PDZD8: variants seen among roughly 807,000 people sequenced by gnomAD.
PDZD8 encodes the protein PDZ domain-containing protein 8.
In PDZD8, 14 loss-of-function variants were observed where a neutral mutation model predicts 85.8. That is an observed-to-expected ratio of 0.16 (90% CI 0.11 to 0.26). The LOEUF is 0.26. PDZD8 is among the 10% of genes least tolerant of loss of function. The probability of loss-of-function intolerance (pLI) is 1.00; values close to 1 mark genes in which losing one functional copy is unlikely to be tolerated. For synonymous variants in PDZD8, 592 were observed against 568.6 expected (o/e 1.04, Z -0.59); for missense variants, 1,197 against 1,424.3 (o/e 0.84, Z 2.57).
At chr10:117,326,821 G>A (rs957392777) in intron 2 of PDZD8, among the ~76,000 whole-genome samples, 1 of 152,168 alleles carries the variant, frequency 6.6e-6, no homozygotes, top group Non-Finnish European at 1.5e-5. Flanking sequence ...TGCAGTTGCA[G>A]ACACTTCTTG....
chr10:117,368,656 T>C (rs1342765543), intron 1 of PDZD8, among the ~76,000 whole-genome samples: 1 of 152,170 alleles, frequency 6.6e-6, no homozygotes, highest in Non-Finnish European at 1.5e-5. Context: ...CCCCCCTTTT[T>C]GGAGATCAGT....
intron 3 of PDZD8, among the ~76,000 whole-genome samples, chr10:117,312,808 TTAA>T (rs1844061268): frequency 6.6e-6 from 1 of 152,208 alleles, no homozygotes; most frequent in African/African-American, 2.4e-5. Context: ...CATTTCCGTG[TTAA>T]TTTTAATTAT....
At chr10:117,373,223 T>G (rs1192227024) in intron 1 of PDZD8, among the ~76,000 whole-genome samples, 1 of 152,116 alleles carries the variant, frequency 6.6e-6, no homozygotes, top group Non-Finnish European at 1.5e-5. Context: ...ACCACAAAAT[T>G]TAAGCCATCA....
At chr10:117,298,644 C>T (rs1209028190) in intron 3 of PDZD8, among the ~76,000 whole-genome samples, 1 of 152,092 alleles carries the variant, frequency 6.6e-6, no homozygotes, top group Non-Finnish European at 1.5e-5. Flanking sequence ...TTCCCTCTTT[C>T]TCTCCTCCTT....
chr10:117,329,002 T>C (rs1167781924), intron 2 of PDZD8, among the ~76,000 whole-genome samples: 1 of 152,216 alleles, frequency 6.6e-6, no homozygotes, highest in Non-Finnish European at 1.5e-5. Context: ...AGACGACATT[T>C]GCTTTAGCTT....
intron 3 of PDZD8, among the ~76,000 whole-genome samples, chr10:117,304,317 C>T (rs1843895639): frequency 6.6e-6 from 1 of 152,076 alleles, no homozygotes; most frequent in Non-Finnish European, 1.5e-5. Context: ...GCCAATTTCT[C>T]TTATTTGGAA....
Position 117,282,060 on chromosome 10 carries a change from C to A in PDZD8, c.*1208G>T, listed in dbSNP as rs942621027. The A allele has an allele frequency of 1.3e-5, 2 of 152,148 alleles. No individual in the cohort carries two copies. Among genetic ancestry groups the A allele is most frequent in the African/African-American group, 4.8e-5 (2 of 41,420 alleles). The allele number at this position is 152,148 out of a possible 1,614,324, so 9.4% of individuals were successfully genotyped here. A position where few individuals can be genotyped will look rare whatever the true frequency, so the allele number is the denominator to read the frequency against. On this transcript the variant is annotated 3_prime_UTR_variant, in exon 5 of 5. Transcript: ENST00000334464. ...TGAGTATATCTTCATTTTCAGAGAA[C>A]TGGTCCCAATTCCTATGTATGAATA... is the stretch of plus-strand genomic sequence containing the variant.
intron 1 of PDZD8, among the ~76,000 whole-genome samples, chr10:117,344,180 GAT>G (rs1844664746): frequency 6.6e-6 from 1 of 152,184 alleles, no homozygotes; most frequent in Admixed American, 6.6e-5. Context: ...GAGCCCTGCT[GAT>G]CTGCTCCCCA....
chr10:117,352,842 TC>T (rs1387739148), intron 1 of PDZD8, among the ~76,000 whole-genome samples: 1 of 152,090 alleles, frequency 6.6e-6, no homozygotes, highest in East Asian at 1.9e-4. Flanking sequence ...ATCACTTCAT[TC>T]AAAGCTCGTA....
At chr10:117,348,682 C>G (rs1259373293) in intron 1 of PDZD8, among the ~76,000 whole-genome samples, 3 of 152,192 alleles carry the variant, frequency 2.0e-5, no homozygotes, top group African/African-American at 7.2e-5. Context: ...GATTACTGCT[C>G]ATCTTTATGA....
chr10:117,324,059 C>T (rs1844273100), intron 2 of PDZD8, among the ~76,000 whole-genome samples: 1 of 151,880 alleles, frequency 6.6e-6, no homozygotes, highest in African/African-American at 2.4e-5. Context: ...GAAACCCTGT[C>T]TCTACTAAAA....
chr10:117,326,386 G>A lies in PDZD8; in HGVS notation c.996-7412C>T, dbSNP rs998175627. ...CAGAGACATTAAAACAGTGAACCAG[G>A]ACAAGAAGTTGATAGCTTTGTGCTG... On this transcript the variant is annotated intron_variant, in intron 2 of 4. Coordinates refer to ENST00000334464, the MANE Select transcript of PDZD8 (RefSeq NM_173791.5). 9.2e-5 allele frequency among the ~76,000 whole-genome samples: 14 copies of A among 152,306 alleles called. 1 individual carries two copies. The highest frequency in any genetic ancestry group is 1.8e-4 in the Non-Finnish European group (12 of 68,012).
In PDZD8 at chr10:117,355,482, T is replaced by C. The variant is rs551943837; in HGVS notation, c.873-14380A>G. ...CTTGAGAAAAGAAAGCTTACATTTA[T>C]AGACAATATAAAATAGAGGTTAAGA... On this transcript the variant is annotated intron_variant, in intron 1 of 4. Coordinates refer to ENST00000334464, the MANE Select transcript of PDZD8 (RefSeq NM_173791.5). Among the ~76,000 whole-genome samples the C allele has an allele frequency of 4.6e-5, 7 of 152,324 alleles. No homozygotes were observed. In the East Asian group the frequency reaches 5.8e-4, roughly 13 times the overall value.
In PDZD8 at chr10:117,374,616, C is replaced by T; in HGVS notation, c.612G>A (p.Leu204=). ...AEVEYNGGFH[L]AIDVDLVFGK... is the part of the protein sequence containing the mutation. ...CGAAGACCAGGTCCACGTCGATGGCCAGGTGGAAGCCCCCGTTGTACTCCA... is the reference window on the plus strand; with the variant it reads ...CGAAGACCAGGTCCACGTCGATGGCTAGGTGGAAGCCCCCGTTGTACTCCA... Residue 204 remains leucine, a synonymous_variant, in exon 1 of 5, where the codon CTG becomes CTA. Transcript: ENST00000334464. The surrounding 1 kb of genome is among the most constrained non-coding windows in gnomAD (Gnocchi z 7.8). 2.5e-6 allele frequency: 4 copies of T among 1,585,996 alleles called. No homozygotes were observed. The highest frequency in any genetic ancestry group is 3.4e-6 in the Non-Finnish European group (4 of 1,165,714).
intron 2 of PDZD8, among the ~76,000 whole-genome samples, chr10:117,319,433 A>ACACACACACT (rs1403355327): frequency 8.2e-3 from 188 of 23,000 alleles, no homozygotes; most frequent in African/African-American, 0.011. Context: ...ACACACACAC[A>ACACACACACT]CTCTTCATCT....
Position 117,284,368 on chromosome 10 carries a change from T to C in PDZD8, c.2365A>G (p.Ile789Val). 6.2e-7 allele frequency: 1 copy of C among 1,614,212 alleles called. No individual in the cohort carries two copies. The highest frequency in any genetic ancestry group is 8.5e-7 in the Non-Finnish European group (1 of 1,180,036). Residue 789 changes from isoleucine to valine, a missense_variant, in exon 5 of 5, where the codon ATT (isoleucine) becomes GTT (valine). Coordinates refer to ENST00000334464, the MANE Select transcript of PDZD8 (RefSeq NM_173791.5). ...GFNDKFCYGD[I>V]TIHFKYLKEG... ...TTCAAATATTTGAAGTGAATAGTAA[T>C]GTCACCATAGCAAAATTTGTCATTG...
intron 3 of PDZD8, among the ~76,000 whole-genome samples, chr10:117,300,555 T>C (rs1187716696): frequency 1.3e-5 from 2 of 152,170 alleles, no homozygotes. Flanking sequence ...AAAAAGCTCC[T>C]TTGGTTGAAG....
At chr10:117,305,980 A>C (rs1434146583) in intron 3 of PDZD8, among the ~76,000 whole-genome samples, 1 of 152,148 alleles carries the variant, frequency 6.6e-6, no homozygotes, top group East Asian at 1.9e-4. Context: ...TATCTACCAC[A>C]CTGGGTTGTT....
chr10:117,364,184 G>A (rs1377345650), intron 1 of PDZD8, among the ~76,000 whole-genome samples: 2 of 45,490 alleles, frequency 4.4e-5, no homozygotes, highest in African/African-American at 1.9e-4. Context: ...ATTTATGGGT[G>A]TGTGTGTGTG....
Sources: allele counts gnomAD v4.1 joint callset (sites outside exome capture counted in the v4.1 genomes callset), GRCh38; gene constraint gnomAD v4.1.1; non-coding constraint Gnocchi (gnomAD v3.1); transcripts MANE v1.5; gene names NCBI Gene and HGNC (gene_info 2026-07-23, HGNC 2026-07-21).